Variants in RBPJ observed in about 807,000 individuals in gnomAD.
The protein encoded by RBPJ is recombining binding protein suppressor of hairless.
In RBPJ, 9 loss-of-function variants were observed where a neutral mutation model predicts 67.8. The observed-to-expected ratio is 0.13, with a 90% CI of 0.08 to 0.23. The LOEUF (loss-of-function observed/expected upper bound fraction) is 0.23. RBPJ is among the 10% of genes least tolerant of loss of function. The probability of loss-of-function intolerance (pLI) is 1.00; values close to 1 mark genes in which losing one functional copy is unlikely to be tolerated. For synonymous variants in RBPJ, 198 were observed against 203.3 expected (o/e 0.97, Z 0.22); for missense variants, 305 against 595.6 (o/e 0.51, Z 5.08).
upstream of RBPJ, among the ~76,000 whole-genome samples, chr4:26,158,945 T>TTCTCTCTC (rs5856933): frequency 0.17 from 23,355 of 136,452 alleles, 2,507 homozygotes; most frequent in Non-Finnish European, 0.22. Context: ...CTCTCTCTCT[T>TTCTCTCTC]TCTCTCTCTC....
intron 2 of RBPJ, among the ~76,000 whole-genome samples, chr4:26,403,688 A>G (rs924944830): frequency 1.3e-4 from 20 of 152,068 alleles, no homozygotes; most frequent in African/African-American, 3.9e-4. Context: ...CCCCAGCTTC[A>G]TTTATGTTCC....
chr4:26,165,824 T>C (rs1716263746), intron 1 of RBPJ, among the ~76,000 whole-genome samples: 1 of 151,166 alleles, frequency 6.6e-6, no homozygotes, highest in South Asian at 2.1e-4. Flanking sequence ...CATTAACTCA[T>C]CATTTAGCAT....
the RBPJ span, among the ~76,000 whole-genome samples, chr4:26,158,363 A>G: frequency 2.0e-5 from 3 of 152,224 alleles, no homozygotes; most frequent in African/African-American, 7.2e-5. Flanking sequence ...GTTATTCTAC[A>G]GTTCCTCAGA....
chr4:26,186,063 GAAAA>G (rs1717242573), intron 1 of RBPJ, among the ~76,000 whole-genome samples: 1 of 151,702 alleles, frequency 6.6e-6, no homozygotes, highest in Non-Finnish European at 1.5e-5. Context: ...AAAACAAAAA[GAAAA>G]AGAAAGAAAG....
intron 1 of RBPJ, among the ~76,000 whole-genome samples, chr4:26,309,787 G>C (rs1461881988): frequency 6.6e-6 from 1 of 152,084 alleles, no homozygotes. Flanking sequence ...TTATTCATAT[G>C]GTGTTGTCAT....
intron 1 of RBPJ, among the ~76,000 whole-genome samples, chr4:26,258,041 C>T (rs1411657305): frequency 6.6e-6 from 1 of 152,178 alleles, no homozygotes; most frequent in African/African-American, 2.4e-5. Context: ...CAGACACAGG[C>T]TCACATTATG....
intron 1 of RBPJ, among the ~76,000 whole-genome samples, chr4:26,215,483 T>C (rs1718693010): frequency 6.6e-6 from 1 of 151,780 alleles, no homozygotes; most frequent in African/African-American, 2.4e-5. Flanking sequence ...GGAACAAATT[T>C]CAGGGAGAAA....
chr4:26,229,928 C>T (rs926570280), intron 1 of RBPJ, among the ~76,000 whole-genome samples: 1 of 152,124 alleles, frequency 6.6e-6, no homozygotes, highest in African/African-American at 2.4e-5. Flanking sequence ...GTGGCTCACA[C>T]CTGTAATCCT....
At chr4:26,206,243 A>C (rs1395254269) in intron 1 of RBPJ, among the ~76,000 whole-genome samples, 1 of 152,178 alleles carries the variant, frequency 6.6e-6, no homozygotes, top group Non-Finnish European at 1.5e-5. Context: ...TCATTTGCCA[A>C]GATTGATTTA....
intron 1 of RBPJ, among the ~76,000 whole-genome samples, chr4:26,219,764 T>G (rs1371992883): frequency 6.6e-6 from 1 of 151,648 alleles, no homozygotes; most frequent in Non-Finnish European, 1.5e-5. Flanking sequence ...CAGAGTCAGG[T>G]TTTTTTTGTT....
the RBPJ span, among the ~76,000 whole-genome samples, chr4:26,133,111 T>C: frequency 6.6e-6 from 1 of 152,216 alleles, no homozygotes; most frequent in Non-Finnish European, 1.5e-5. Flanking sequence ...CAGGCAGGTG[T>C]CCTCTCTGGC....
chr4:26,164,723 T>C (rs1003783969), intron 1 of RBPJ, among the ~76,000 whole-genome samples: 13 of 152,202 alleles, frequency 8.5e-5, no homozygotes, highest in African/African-American at 3.1e-4. Flanking sequence ...ATTCCAAAAG[T>C]TCATTGTTGT....
At chr4:26,362,434 T>C in intron 1 of RBPJ, 1 of 1,416,660 alleles carries the variant, frequency 7.1e-7, no homozygotes. Flanking sequence ...ATTTTTTGTT[T>C]TTGTTTTTAA....
At position 26,420,578 on chromosome 4, in the gene RBPJ, A is replaced by G; in HGVS notation, c.349A>G (p.Ile117Val). The change falls in exon 5 of 11, where the codon ATA becomes GTA. Residue 117 changes from isoleucine (I) to valine (V), a missense_variant. Physicochemically the swap from Ile to Val is conservative, Grantham distance 29. Coordinates refer to ENST00000355476, the MANE Select transcript of RBPJ (RefSeq NM_015874.6). ...KNYCTAKTLYISDSDKRKHFM... is the reference protein window; with the variant it reads ...KNYCTAKTLYVSDSDKRKHFM... Reference sequence around the variant, plus strand: ...CTATTGCACAGCCAAAACATTGTATATATCTGACTCAGACAAGCGAAAGCA... The same window carrying G: ...CTATTGCACAGCCAAAACATTGTATGTATCTGACTCAGACAAGCGAAAGCA... The G allele has an allele frequency of 6.2e-7, 1 of 1,612,096 alleles. No homozygotes were observed. Among genetic ancestry groups the G allele is most frequent in the Non-Finnish European group, 8.5e-7 (1 of 1,179,342 alleles).
chr4:26,420,170 A>T (rs1380725244), intron 4 of RBPJ, among the ~76,000 whole-genome samples: 9 of 149,846 alleles, frequency 6.0e-5, no homozygotes, highest in South Asian at 2.1e-4. Context: ...CTTTATTATT[A>T]TTTTTTTTTT....
At chr4:26,412,213 T>C (rs893836192) in intron 3 of RBPJ, among the ~76,000 whole-genome samples, 7 of 151,948 alleles carry the variant, frequency 4.6e-5, no homozygotes, top group Non-Finnish European at 1.0e-4. Context: ...AAATTCGAAG[T>C]GCTCCAAAAT....
chr4:26,191,200 TATATATATATAGAGAG>T lies in RBPJ; in HGVS notation c.-167+27588_-167+27603del, dbSNP rs1327686173. Reference sequence around the variant, plus strand: ...AAAAAAATATATATATATATATATATATATATATATAGAGAGAGAGAGAGAGAGAGAGAGAGAGAGA... The same window carrying T: ...AAAAAAATATATATATATATATATATAGAGAGAGAGAGAGAGAGAGAGAGA... On this transcript the variant is annotated intron_variant, in intron 1 of 4. Transcript: ENST00000512351. Among the ~76,000 whole-genome samples the T allele has an allele frequency of 8.4e-3, 262 of 31,302 alleles. 2 individuals carry two copies. The highest frequency in any genetic ancestry group is 0.013 in the Non-Finnish European group (218 of 17,294). 20.5% of individuals were successfully genotyped at this position (31,302 alleles called of 152,430 possible). A position where few individuals can be genotyped will look rare whatever the true frequency, so the allele number is the denominator to read the frequency against.
chr4:26,263,395 A>T (rs538329286), intron 1 of RBPJ, among the ~76,000 whole-genome samples: 9 of 147,258 alleles, frequency 6.1e-5, no homozygotes, highest in Non-Finnish European at 1.0e-4. Flanking sequence ...ACTGCAAAGG[A>T]GTCTGGGAAA....
chr4:26,116,505 G>A, the RBPJ span, among the ~76,000 whole-genome samples: 2 of 152,152 alleles, frequency 1.3e-5, no homozygotes, highest in Non-Finnish European at 2.9e-5. Context: ...AGTCCGCCCA[G>A]CAGTTTCTGG....
Sources: allele counts gnomAD v4.1 joint callset (sites outside exome capture counted in the v4.1 genomes callset), GRCh38; gene constraint gnomAD v4.1.1; transcripts MANE v1.5; gene names NCBI Gene and HGNC (gene_info 2026-07-23, HGNC 2026-07-21).